Variants in DMXL1 observed in about 807,000 individuals in gnomAD.
DMXL1 encodes the protein dmX-like protein 1.
Under a neutral mutation model 319.2 loss-of-function variants are expected in DMXL1, and 99 were observed. The ratio of observed to expected loss-of-function variants is 0.31; its 90% confidence interval spans 0.26 to 0.37. The LOEUF is 0.37. DMXL1 is among the 10% of genes least tolerant of loss of function. The pLI, the probability that DMXL1 is intolerant of heterozygous loss-of-function variation, is 1.00. For missense variants in DMXL1, 3,745 were observed against 3,595.6 expected (o/e 1.04, Z -1.06); for synonymous variants, 1,385 against 1,235.2 (o/e 1.12, Z -2.54).
At chr5:119,161,885 C>G (rs2150208718) in intron 19 of DMXL1, among the ~76,000 whole-genome samples, 1 of 152,292 alleles carries the variant, frequency 6.6e-6, no homozygotes, top group East Asian at 1.9e-4. Flanking sequence ...TAATTGGATG[C>G]TACCACTGGC....
At chr5:119,194,476 A>G (rs913362443) in intron 30 of DMXL1, among the ~76,000 whole-genome samples, 2 of 152,254 alleles carry the variant, frequency 1.3e-5, no homozygotes, top group African/African-American at 4.8e-5. Context: ...ACATTCATGA[A>G]TGATGGAATA....
intron 19 of DMXL1, among the ~76,000 whole-genome samples, chr5:119,152,759 G>A (rs1459382793): frequency 1.3e-5 from 2 of 152,140 alleles, no homozygotes; most frequent in Middle Eastern, 3.2e-3. Context: ...GGAAGTTCAA[G>A]AAATAGAGCT....
At chr5:119,098,197 C>G in intron 2 of DMXL1, 93 bp downstream of exon 2, 1 of 1,423,188 alleles carries the variant, frequency 7.0e-7, no homozygotes, top group South Asian at 1.3e-5. Context: ...GAATTAGAGA[C>G]TTGGCTTTGT....
intron 19 of DMXL1, among the ~76,000 whole-genome samples, chr5:119,157,265 C>G (rs1411530667): frequency 6.6e-6 from 1 of 152,214 alleles, no homozygotes; most frequent in Non-Finnish European, 1.5e-5. Flanking sequence ...ATTTCCCAAT[C>G]CACGGCTTTT....
chr5:119,189,890 A>G lies in DMXL1; in HGVS notation c.7314+4A>G, dbSNP rs755257356. 3.2e-5 allele frequency: 52 copies of G among 1,610,894 alleles called. No individual in the cohort carries two copies. Among genetic ancestry groups the G allele is most frequent in the Non-Finnish European group, 4.3e-5 (51 of 1,177,468 alleles). ...CTGGGACTATTTCATAGCTAAGGTA[A>G]TTAAAATGCTATCTAGATCAATATT... On this transcript the variant is annotated splice_donor_region_variant and intron_variant, in intron 29 of 43. Transcript: ENST00000539542.
At chr5:119,203,610 A>G (rs1025452280) in intron 33 of DMXL1, among the ~76,000 whole-genome samples, 174 bp downstream of exon 33, 1 of 152,198 alleles carries the variant, frequency 6.6e-6, no homozygotes, top group Non-Finnish European at 1.5e-5. Context: ...TTCATAAATC[A>G]ATTTAATTAA....
At chr5:119,238,252 G>C (rs1788116812) in intron 40 of DMXL1, among the ~76,000 whole-genome samples, 1 of 151,998 alleles carries the variant, frequency 6.6e-6, no homozygotes, top group Non-Finnish European at 1.5e-5. Context: ...ATCTAGCCCA[G>C]CTCCAGTAGT....
At chr5:119,106,307 G>T (rs1305141280) in intron 4 of DMXL1, among the ~76,000 whole-genome samples, 1 of 152,252 alleles carries the variant, frequency 6.6e-6, no homozygotes, top group South Asian at 2.1e-4. Flanking sequence ...TATGGTCACA[G>T]GTCCAGCTAA....
chr5:119,169,328 A>G (rs1774085268), intron 23 of DMXL1, among the ~76,000 whole-genome samples: 1 of 152,218 alleles, frequency 6.6e-6, no homozygotes, highest in African/African-American at 2.4e-5. Context: ...GACCAGAATG[A>G]TTGGAATGGA....
At chr5:119,071,735 G>T in intron 1 of DMXL1, 79 bp downstream of exon 1, 1 of 1,347,094 alleles carries the variant, frequency 7.4e-7, no homozygotes, top group Non-Finnish European at 1.0e-6. Flanking sequence ...CCAGAACGAC[G>T]GGCAGAGGCG....
chr5:119,072,988 GATA>G (rs1188568803), intron 1 of DMXL1, among the ~76,000 whole-genome samples: 1 of 152,116 alleles, frequency 6.6e-6, no homozygotes, highest in Non-Finnish European at 1.5e-5. Flanking sequence ...GAAATTATAG[GATA>G]ATATTGTTGC....
Position 119,167,861 on chromosome 5 carries a change from G to T in DMXL1, c.5395G>T (p.Asp1799Tyr), listed in dbSNP as rs1251947319. 6.2e-7 allele frequency: 1 copy of T among 1,610,076 alleles called. No homozygotes were observed. The highest frequency in any genetic ancestry group is 8.5e-7 in the Non-Finnish European group (1 of 1,178,974). Residue 1799 changes from aspartate to tyrosine, a missense_variant, in exon 23 of 44, where the codon GAT becomes TAT. Asp to Tyr is a radical substitution (Grantham distance 160). Around this residue, in one of 4 missense-constraint regions of DMXL1, gnomAD observed 1,382 missense variants for 1,269.5 expected, o/e 1.09. Coordinates refer to ENST00000539542, the MANE Select transcript of DMXL1 (RefSeq NM_001290321.3). ...TLIKQPIREN[D>Y]DQVLSASNPT... ...AATAAAGCAACCTATCAGAGAGAAT[G>T]ATGGTAAGCTGCACTTCTAAGATGT...
intron 23 of DMXL1, 133 bp downstream of exon 23, chr5:119,167,997 GTTGT>G (rs1422724552): frequency 1.2e-6 from 1 of 826,988 alleles, no homozygotes; most frequent in African/African-American, 1.8e-5. Context: ...TTTTTGGTTG[GTTGT>G]TTGGTTTTTT....
chr5:119,244,137 G>A (rs1789306927), intron 42 of DMXL1, among the ~76,000 whole-genome samples: 1 of 152,054 alleles, frequency 6.6e-6, no homozygotes, highest in Non-Finnish European at 1.5e-5. Context: ...AGTAAGCTAG[G>A]GCAGTTTTAT....
intron 1 of DMXL1, among the ~76,000 whole-genome samples, chr5:119,077,634 C>G (rs796292563): frequency 4.5e-4 from 32 of 70,712 alleles, no homozygotes; most frequent in African/African-American, 1.7e-3. Flanking sequence ...CCATTCCTGG[C>G]TTTTTTTTTT....
intron 32 of DMXL1, among the ~76,000 whole-genome samples, chr5:119,202,526 A>G (rs1405600486): frequency 6.6e-6 from 1 of 152,118 alleles, no homozygotes; most frequent in Non-Finnish European, 1.5e-5. Context: ...GCCACATATA[A>G]CTATTTAACA....
chr5:119,114,245 G>T (rs1436137993), intron 5 of DMXL1, among the ~76,000 whole-genome samples: 1 of 152,106 alleles, frequency 6.6e-6, no homozygotes, highest in African/African-American at 2.4e-5. Flanking sequence ...TTTGTTTTAG[G>T]CTTTAAAGAT....
At chr5:119,077,533 G>A (rs1217658808) in intron 1 of DMXL1, among the ~76,000 whole-genome samples, 1 of 132,872 alleles carries the variant, frequency 7.5e-6, no homozygotes, top group Non-Finnish European at 1.6e-5. Flanking sequence ...TGTCACCCAG[G>A]CTGGAGTACA....
intron 4 of DMXL1, among the ~76,000 whole-genome samples, chr5:119,109,255 G>A (rs544342338): frequency 1.3e-5 from 2 of 152,102 alleles, no homozygotes; most frequent in African/African-American, 2.4e-5. Flanking sequence ...TTGAAATTTC[G>A]ATGTAAGTTA....
Sources: allele counts gnomAD v4.1 joint callset (sites outside exome capture counted in the v4.1 genomes callset), GRCh38; gene constraint gnomAD v4.1.1; regional missense constraint gnomAD v4.1.1; transcripts MANE v1.5; gene names NCBI Gene and HGNC (gene_info 2026-07-23, HGNC 2026-07-21).